CTNND2: variants seen among roughly 807,000 people sequenced by gnomAD.
CTNND2 encodes catenin delta 2, also known as catenin delta-2.
Under a neutral mutation model 144.4 loss-of-function variants are expected in CTNND2, and 22 were observed. The ratio of observed to expected loss-of-function variants is 0.15; its 90% CI spans 0.11 to 0.22. CTNND2 has a LOEUF of 0.22. CTNND2 is among the 10% of genes least tolerant of loss of function. The pLI is 1.00. For missense variants in CTNND2, 1,353 were observed against 1,618.8 expected (o/e 0.84, Z 2.82); for synonymous variants, 751 against 695.6 (o/e 1.08, Z -1.25).
intron 16 of CTNND2, among the ~76,000 whole-genome samples, chr5:11,070,889 G>A (rs1442894575): frequency 1.3e-5 from 2 of 151,966 alleles, no homozygotes; most frequent in East Asian, 1.9e-4. Flanking sequence ...AAGAAATGAA[G>A]AGGACGTGAA....
At chr5:11,883,885 A>T (rs1736319320) in intron 1 of CTNND2, among the ~76,000 whole-genome samples, 1 of 152,238 alleles carries the variant, frequency 6.6e-6, no homozygotes, top group African/African-American at 2.4e-5. Context: ...AACTGGCATG[A>T]GATGGTATCT....
chr5:11,522,906 C>G (rs1772875191), intron 3 of CTNND2, among the ~76,000 whole-genome samples: 1 of 152,130 alleles, frequency 6.6e-6, no homozygotes, highest in Non-Finnish European at 1.5e-5. Context: ...AAAGAAGCAC[C>G]CATGCGTTTG....
At chr5:11,689,639 C>T (rs187712465) in intron 2 of CTNND2, among the ~76,000 whole-genome samples, 3 of 152,206 alleles carry the variant, frequency 2.0e-5, no homozygotes, top group Admixed American at 2.0e-4. Context: ...AATCACTGTA[C>T]TGCAGAAATA....
intron 1 of CTNND2, among the ~76,000 whole-genome samples, chr5:11,786,108 C>T (rs571751529): frequency 1.1e-4 from 16 of 152,298 alleles, no homozygotes; most frequent in East Asian, 3.9e-4. Flanking sequence ...TGTAACAGCG[C>T]GGCAGCAGGG....
chr5:11,450,362 G>A (rs1462135623), intron 3 of CTNND2, among the ~76,000 whole-genome samples: 11 of 152,194 alleles, frequency 7.2e-5, no homozygotes, highest in Admixed American at 7.2e-4. Flanking sequence ...CAACAGAACA[G>A]TCGTGCCTTC....
At chr5:11,461,787 A>G (rs558872590) in intron 3 of CTNND2, among the ~76,000 whole-genome samples, 106 of 152,346 alleles carry the variant, frequency 7.0e-4, no homozygotes, top group African/African-American at 2.5e-3. Flanking sequence ...CTACTATCCA[A>G]TAAGTAATTC....
Position 11,903,982 on chromosome 5 carries a change from G to C in CTNND2, c.-129C>G. On this transcript the variant is annotated 5_prime_UTR_variant, in exon 1 of 22. Transcript: ENST00000304623. This position sits in a 1 kb window ranked among gnomAD's most constrained non-coding sequence, Gnocchi z 5.4. Reference sequence around the variant, plus strand: ...CTTTTGTTGTCTGAGCGCGGCCGCGGGACAAGGGATGCTGGCGGGCGGCAG... The same window carrying C: ...CTTTTGTTGTCTGAGCGCGGCCGCGCGACAAGGGATGCTGGCGGGCGGCAG... 1 of 1,121,314 alleles carries C rather than the reference G, an allele frequency of 8.9e-7. No individual in the cohort carries two copies. The highest frequency in any genetic ancestry group is 1.1e-6 in the Non-Finnish European group (1 of 880,676). 69.5% of individuals were successfully genotyped at this position (1,121,314 alleles called of 1,614,324 possible).
chr5:11,046,191 T>A (rs1745227745), intron 16 of CTNND2, among the ~76,000 whole-genome samples: 1 of 150,996 alleles, frequency 6.6e-6, no homozygotes, highest in Admixed American at 6.6e-5. Context: ...AGTTAAGAGG[T>A]CATACTGGAG....
intron 10 of CTNND2, among the ~76,000 whole-genome samples, chr5:11,223,160 C>G (rs1739968703): frequency 6.6e-6 from 1 of 152,206 alleles, no homozygotes; most frequent in African/African-American, 2.4e-5. Context: ...GATGCCTACA[C>G]CTTGCTTCAC....
At chr5:11,211,352 T>C (rs1007840595) in intron 10 of CTNND2, among the ~76,000 whole-genome samples, 4 of 122,050 alleles carry the variant, frequency 3.3e-5, no homozygotes, top group Non-Finnish European at 7.2e-5. Flanking sequence ...CCCTAACTCA[T>C]TGCTTTTAAA....
chr5:11,655,285 T>C (rs1782854100), intron 2 of CTNND2, among the ~76,000 whole-genome samples: 1 of 152,016 alleles, frequency 6.6e-6, no homozygotes, highest in African/African-American at 2.4e-5. Flanking sequence ...GCAGATAATA[T>C]TTAACCTGTT....
chr5:11,551,436 T>TC (rs55750083), intron 3 of CTNND2, among the ~76,000 whole-genome samples: 37,450 of 92,796 alleles, frequency 0.4, 4,419 homozygotes, highest in Middle Eastern at 0.49. Context: ...TTTTTTCTTT[T>TC]TTTTTTTTTT....
intron 16 of CTNND2, among the ~76,000 whole-genome samples, chr5:11,023,194 G>T (rs1742464780): frequency 6.6e-6 from 1 of 152,198 alleles, no homozygotes; most frequent in Non-Finnish European, 1.5e-5. Context: ...TCTGCTGCTA[G>T]ATTGACCTGG....
At chr5:11,248,895 T>C (rs1458030514) in intron 9 of CTNND2, among the ~76,000 whole-genome samples, 4 of 152,238 alleles carry the variant, frequency 2.6e-5, no homozygotes, top group African/African-American at 9.6e-5. Context: ...TTCATCATCA[T>C]CACCTTATCT....
intron 16 of CTNND2, 73 bp from the exon 17 acceptor site, chr5:11,023,052 T>C: frequency 5.0e-6 from 7 of 1,388,948 alleles, no homozygotes; most frequent in Non-Finnish European, 7.1e-6. Flanking sequence ...GAGGTGGGTA[T>C]GGGGGAGAAG....
intron 2 of CTNND2, among the ~76,000 whole-genome samples, chr5:11,679,514 T>C (rs1784333882): frequency 6.6e-6 from 1 of 152,232 alleles, no homozygotes; most frequent in Admixed American, 6.5e-5. Context: ...AGTCTAGGAA[T>C]TGTCAGCCAG....
chr5:11,621,478 A>G (rs1780835875), intron 2 of CTNND2, among the ~76,000 whole-genome samples: 1 of 152,134 alleles, frequency 6.6e-6, no homozygotes, highest in Non-Finnish European at 1.5e-5. Flanking sequence ...TAGATCACAG[A>G]TTTAACTTTG....
At chr5:10,991,948 C>T (rs1327765233) in intron 19 of CTNND2, among the ~76,000 whole-genome samples, 1 of 152,204 alleles carries the variant, frequency 6.6e-6, no homozygotes, top group East Asian at 1.9e-4. Flanking sequence ...GACGGAGTCT[C>T]ACTCTGTCAC....
In CTNND2 at chr5:11,302,923, C is replaced by T. The variant is rs570019262; in HGVS notation, c.1628+43449G>A. ...TCCTCCAAGAAACCTCGCGTCCTTC[C>T]TCCTTTTTGCCTACTGCCCCAGAGT... On this transcript the variant is annotated intron_variant, in intron 9 of 21. Transcript: ENST00000304623. Among the ~76,000 whole-genome samples, 7 of 152,316 alleles carry T rather than the reference C, an allele frequency of 4.6e-5. No homozygotes were observed. In the South Asian group the frequency reaches 1.5e-3, roughly 32 times the overall value.
Sources: gnomAD v4.1 joint callset for allele counts (sites outside exome capture counted in the v4.1 genomes callset) on GRCh38, gnomAD v4.1.1 for gene constraint, Gnocchi (gnomAD v3.1) non-coding constraint, MANE v1.5 for transcripts, NCBI Gene and HGNC (gene_info 2026-07-23, HGNC 2026-07-21) for gene names.